The following ATP10B variants were observed in gnomAD, a reference collection of about 807,000 sequenced individuals.
The protein encoded by ATP10B is ATPase phospholipid transporting 10B (putative), also known as phospholipid-transporting ATPase VB.
A neutral mutation model predicts 141.2 loss-of-function variants in ATP10B; 122 were observed. That is an observed-to-expected ratio of 0.86 (90% confidence interval 0.75 to 1.00). The LOEUF is 1.00. Among genes scored for constraint, ATP10B ranks in the 50% least tolerant of loss-of-function variants. The pLI is 0.00. For synonymous variants in ATP10B, 685 were observed against 692.0 expected, an observed-to-expected ratio of 0.99 and a Z score of 0.16; for missense variants, 1,876 against 1,825.3, an observed-to-expected ratio of 1.03 and a Z score of -0.51.
At chr5:160,750,938 T>G (rs369273843) in intron 2 of ATP10B, among the ~76,000 whole-genome samples, 4 of 152,158 alleles carry the variant, frequency 2.6e-5, no homozygotes, top group African/African-American at 9.7e-5. Flanking sequence ...CCCTACACTT[T>G]CTTTAGATTC....
At chr5:160,655,923 C>G (rs1352587890) in intron 7 of ATP10B, among the ~76,000 whole-genome samples, 2 of 152,120 alleles carry the variant, frequency 1.3e-5, no homozygotes, top group Non-Finnish European at 2.9e-5. Context: ...ATAGCGGTAT[C>G]TTTGAGAGCG....
At chr5:160,896,680 C>T in the ATP10B span, among the ~76,000 whole-genome samples, 5 of 152,274 alleles carry the variant, frequency 3.3e-5, no homozygotes, top group Admixed American at 2.6e-4. Context: ...AGGGACTCCT[C>T]CCTAACTCAT....
intron 1 of ATP10B, among the ~76,000 whole-genome samples, chr5:160,826,331 C>T (rs183158834): frequency 2.0e-4 from 31 of 152,240 alleles, no homozygotes; most frequent in Admixed American, 2.0e-3. Context: ...AACAGAAGGA[C>T]CAGCTGGAGC....
At chr5:160,858,797 A>G in the ATP10B span, among the ~76,000 whole-genome samples, 22 of 151,946 alleles carry the variant, frequency 1.4e-4, no homozygotes, top group East Asian at 4.1e-3. Context: ...ACTTATTACA[A>G]TCTATAGTTT....
rs115369837 is a variant in ATP10B at position 160,727,854 on chromosome 5, A to G, written c.-330-10820T>C. ...CCAGGAAAGGTAAAAGGCCTCAGGC[A>G]TCTCCAAGTGTGACTGCCTCCACAG... On this transcript the variant is annotated intron_variant, in intron 2 of 25. Transcript: ENST00000327245. 3.0e-3 allele frequency among the ~76,000 whole-genome samples: 455 copies of G among 152,330 alleles called. 2 individuals are homozygous for G. Among genetic ancestry groups the G allele is most frequent in the African/African-American group, 0.01 (429 of 41,578 alleles).
At chr5:160,834,869 G>T (rs1775320987) in intron 1 of ATP10B, among the ~76,000 whole-genome samples, 1 of 152,108 alleles carries the variant, frequency 6.6e-6, no homozygotes, top group Non-Finnish European at 1.5e-5. Flanking sequence ...TCCTTAAGGT[G>T]CTGTCCAGAA....
intron 3 of ATP10B, among the ~76,000 whole-genome samples, chr5:160,693,403 AACACAC>A (rs3075585): frequency 0.026 from 3,298 of 125,628 alleles, 48 homozygotes; most frequent in Middle Eastern, 0.066. Context: ...TGGGTCAGAA[AACACAC>A]ACACACACAC....
At chr5:160,767,289 C>T (rs1018204456) in intron 2 of ATP10B, among the ~76,000 whole-genome samples, 3 of 152,094 alleles carry the variant, frequency 2.0e-5, no homozygotes, top group African/African-American at 4.8e-5. Flanking sequence ...GAGGAAGTCA[C>T]GCTTTGGGCA....
intron 2 of ATP10B, among the ~76,000 whole-genome samples, chr5:160,782,438 TACACACACACACAC>T (rs57112303): frequency 3.3e-4 from 46 of 141,182 alleles, no homozygotes; most frequent in African/African-American, 9.0e-4. Flanking sequence ...TCTTCCTCCA[TACACACACACACAC>T]ACACACACAC....
Position 160,785,662 on chromosome 5 carries a change from G to A in ATP10B, c.-434C>T. The A allele has an allele frequency of 1.6e-6, 2 of 1,286,766 alleles. No homozygotes were observed. The highest frequency in any genetic ancestry group is 2.0e-6 in the Non-Finnish European group (2 of 986,718). 79.7% of individuals were successfully genotyped at this position (1,286,766 alleles called of 1,614,324 possible). On this transcript the variant is annotated 5_prime_UTR_variant, in exon 2 of 26. Transcript: ENST00000327245. Reference sequence around the variant, plus strand: ...TTGTGTCCATGTGTAAGAAATGGTAGTTTCTCATCTTGGCAGTGGAGAGGA... The same window carrying A: ...TTGTGTCCATGTGTAAGAAATGGTAATTTCTCATCTTGGCAGTGGAGAGGA...
intron 1 of ATP10B, among the ~76,000 whole-genome samples, chr5:160,798,301 CCACCTGG>C (rs1394329601): frequency 6.6e-6 from 1 of 152,158 alleles, no homozygotes; most frequent in East Asian, 1.9e-4. Context: ...AAATTCAAGT[CCACCTGG>C]AATGACCAAA....
At chr5:160,809,355 C>G (rs769135351) in intron 1 of ATP10B, among the ~76,000 whole-genome samples, 19 of 152,096 alleles carry the variant, frequency 1.2e-4, no homozygotes, top group Non-Finnish European at 2.1e-4. Flanking sequence ...TCATATTATC[C>G]ATCTATGGCC....
intron 7 of ATP10B, among the ~76,000 whole-genome samples, chr5:160,661,985 G>T (rs988864142): frequency 2.0e-5 from 3 of 152,084 alleles, no homozygotes; most frequent in African/African-American, 7.2e-5. Context: ...AAAATCACAA[G>T]CATTCTTATA....
chr5:160,761,305 T>C (rs1769016007), intron 2 of ATP10B, among the ~76,000 whole-genome samples: 1 of 152,190 alleles, frequency 6.6e-6, no homozygotes, highest in African/African-American at 2.4e-5. Flanking sequence ...TTCGCTCCCC[T>C]GCCAACTCCA....
intron 1 of ATP10B, among the ~76,000 whole-genome samples, chr5:160,798,374 T>C (rs1181596476): frequency 6.6e-6 from 1 of 152,214 alleles, no homozygotes; most frequent in African/African-American, 2.4e-5. Flanking sequence ...GAAATTATAC[T>C]GGAGTAGAGT....
In ATP10B at chr5:160,732,998, A is replaced by G. The variant is rs1187109064; in HGVS notation, c.-330-15964T>C. On this transcript the variant is annotated intron_variant, in intron 2 of 25. Coordinates refer to ENST00000327245, the MANE Select transcript of ATP10B (RefSeq NM_025153.3). Reference sequence around the variant, plus strand: ...TTCTTAAATTACAGATGTGAGCATCATTGGTATTTTGATAGGTATTGTATT... The same window carrying G: ...TTCTTAAATTACAGATGTGAGCATCGTTGGTATTTTGATAGGTATTGTATT... Among the ~76,000 whole-genome samples the G allele has an allele frequency of 2.6e-5, 4 of 152,234 alleles. No individual in the cohort carries two copies. In the East Asian group the frequency reaches 7.7e-4, roughly 29 times the overall value.
At chr5:160,594,963 TG>T (rs1756576225) in intron 22 of ATP10B, among the ~76,000 whole-genome samples, 1 of 152,212 alleles carries the variant, frequency 6.6e-6, no homozygotes, top group African/African-American at 2.4e-5. Context: ...AACACCCTAC[TG>T]TCAACATTAG....
intron 1 of ATP10B, among the ~76,000 whole-genome samples, chr5:160,792,819 G>C (rs1771681085): frequency 6.6e-6 from 1 of 152,130 alleles, no homozygotes; most frequent in East Asian, 1.9e-4. Flanking sequence ...TTGGCCTGTG[G>C]GTCGAAGTCT....
chr5:160,667,180 T>C, intron 7 of ATP10B, among the ~76,000 whole-genome samples: 1 of 152,090 alleles, frequency 6.6e-6, no homozygotes, highest in Non-Finnish European at 1.5e-5. Flanking sequence ...ATCGTGCCAC[T>C]GCACTCCAGC....
Sources: allele counts gnomAD v4.1 joint callset (sites outside exome capture counted in the v4.1 genomes callset), GRCh38; gene constraint gnomAD v4.1.1; transcripts MANE v1.5; gene names NCBI Gene and HGNC (gene_info 2026-07-23, HGNC 2026-07-21).